Variants in CATSPERE observed in about 807,000 individuals in gnomAD.
CATSPERE encodes the protein cation channel sperm-associated auxiliary subunit epsilon.
In CATSPERE, 93 loss-of-function variants were observed where a neutral mutation model predicts 114.1. The ratio of observed to expected loss-of-function variants is 0.81; its 90% confidence interval spans 0.69 to 0.97. CATSPERE has a LOEUF of 0.97. Among genes scored for constraint, CATSPERE ranks in the 50% least tolerant of loss-of-function variants. The pLI, the probability that CATSPERE is intolerant of heterozygous loss-of-function variation, is 0.00. For synonymous variants in CATSPERE, 341 were observed against 384.1 expected, an observed-to-expected ratio of 0.89 and a Z score of 1.31; for missense variants, 1,058 against 1,131.6, an observed-to-expected ratio of 0.93 and a Z score of 0.93.
At chr1:244,610,754 C>T (rs1278835088) in intron 19 of CATSPERE, among the ~76,000 whole-genome samples, 4 of 136,414 alleles carry the variant, frequency 2.9e-5, no homozygotes, top group African/African-American at 5.6e-5. Context: ...ATTTTCTTTC[C>T]TTTTTTTTTT....
chr1:244,610,171 T>A (rs1670516468), intron 18 of CATSPERE, 69 bp from the exon 19 acceptor site: 1 of 1,015,310 alleles, frequency 9.8e-7, no homozygotes. Context: ...CAACAAAACA[T>A]TAAATACTTA....
chr1:244,569,623 A>G (rs1240443593), intron 10 of CATSPERE, among the ~76,000 whole-genome samples: 1 of 152,174 alleles, frequency 6.6e-6, no homozygotes, highest in Non-Finnish European at 1.5e-5. Context: ...AGGTCATTTC[A>G]ATTATAAAGA....
At chr1:244,599,750 G>A (rs373477913) in intron 17 of CATSPERE, among the ~76,000 whole-genome samples, 12 of 152,156 alleles carry the variant, frequency 7.9e-5, no homozygotes, top group Admixed American at 2.0e-4. Context: ...CAGATGCAGC[G>A]AGTGGCTTCC....
At chr1:244,451,894 C>G, upstream of CATSPERE, 1 of 1,380,002 alleles carries the variant, frequency 7.2e-7, no homozygotes, top group Non-Finnish European at 9.5e-7. The surrounding 1 kb of genome is among the most constrained non-coding windows in gnomAD (Gnocchi z 6.6). Context: ...TCTGCGGCCG[C>G]CAGCCACATG....
chr1:244,505,966 G>A (rs113869720), intron 7 of CATSPERE, among the ~76,000 whole-genome samples: 7,100 of 152,018 alleles, frequency 0.047, 210 homozygotes, highest in Non-Finnish European at 0.064. Context: ...AGATCACGCC[G>A]CTGCACTCCA....
rs1666758422 is a variant in CATSPERE, at chr1:244,461,467, T to A, written c.38T>A (p.Leu13Gln). The change falls in exon 1 of 22, where the codon CTG becomes CAG. Residue 13 changes from leucine (L) to glutamine (Q), a missense_variant. Around this residue, in one of 2 missense-constraint regions of CATSPERE, gnomAD observed 271 missense variants for 225.9 expected, o/e 1.20. Transcript: ENST00000366534. ...AREVAVLLLW[L>Q]SCYGSALWRY... The stretch of plus-strand genomic sequence containing the variant: ...GAAGTGGCCGTGCTGCTGCTGTGGC[T>A]GAGCTGCTATGGCTCCGCCCTTTGG... 3.7e-6 allele frequency: 5 copies of A among 1,359,972 alleles called. No individual in the cohort carries two copies. The highest frequency in any genetic ancestry group is 4.8e-6 in the Non-Finnish European group (5 of 1,049,814). The allele number at this position is 1,359,972 out of a possible 1,614,324, so 84.2% of individuals were successfully genotyped here.
At chr1:244,555,393 A>G (rs527838295) in intron 9 of CATSPERE, among the ~76,000 whole-genome samples, 1 of 152,204 alleles carries the variant, frequency 6.6e-6, no homozygotes, top group African/African-American at 2.4e-5. Context: ...AAAAAAAAAA[A>G]AAAAAATCAA....
chr1:244,594,620 A>C (rs976181461), intron 17 of CATSPERE, among the ~76,000 whole-genome samples: 4 of 152,170 alleles, frequency 2.6e-5, no homozygotes, highest in Non-Finnish European at 2.9e-5. Context: ...CTGGAAGTAA[A>C]ATTCCTATGT....
chr1:244,473,264 G>A (rs1286773910), intron 2 of CATSPERE, among the ~76,000 whole-genome samples: 2 of 152,104 alleles, frequency 1.3e-5, no homozygotes. Context: ...ATCTTCACCA[G>A]CATTTGGCGT....
intron 2 of CATSPERE, 89 bp from the exon 3 acceptor site, chr1:244,477,452 A>G: frequency 1.4e-6 from 1 of 710,762 alleles, no homozygotes; most frequent in Non-Finnish European, 2.5e-6. Context: ...TTAAATAATT[A>G]GGACCCAGAA....
intron 19 of CATSPERE, among the ~76,000 whole-genome samples, chr1:244,614,634 C>T (rs541696423): frequency 2.0e-5 from 3 of 152,200 alleles, no homozygotes; most frequent in South Asian, 4.1e-4. Flanking sequence ...ATCATTAACA[C>T]GAGGAGGGAA....
chr1:244,464,136 T>C (rs1667231664), intron 2 of CATSPERE, among the ~76,000 whole-genome samples, 180 bp downstream of exon 2: 1 of 152,208 alleles, frequency 6.6e-6, no homozygotes, highest in South Asian at 2.1e-4. Context: ...TAAATTTGCA[T>C]GTAGCAAAAA....
intron 10 of CATSPERE, among the ~76,000 whole-genome samples, chr1:244,565,483 G>A (rs963605307): frequency 6.6e-6 from 1 of 152,132 alleles, no homozygotes; most frequent in South Asian, 2.1e-4. Context: ...TTGGGAGGGT[G>A]TATGTGTCCA....
At chr1:244,561,537 T>C (rs1221017493) in intron 10 of CATSPERE, among the ~76,000 whole-genome samples, 1 of 152,132 alleles carries the variant, frequency 6.6e-6, no homozygotes, top group Non-Finnish European at 1.5e-5. Flanking sequence ...TTCTGGAGGC[T>C]AGAAGTGGAA....
chr1:244,581,737 G>C, intron 11 of CATSPERE, 59 bp from the exon 12 acceptor site: 1 of 729,510 alleles, frequency 1.4e-6, no homozygotes, highest in Non-Finnish European at 2.4e-6. Context: ...TGCTACTAAA[G>C]TGGGATCACC....
At chr1:244,496,848 A>G (rs889212864) in intron 6 of CATSPERE, among the ~76,000 whole-genome samples, 1 of 152,354 alleles carries the variant, frequency 6.6e-6, no homozygotes, top group Middle Eastern at 3.4e-3. Flanking sequence ...CTTCATATTT[A>G]AAGTGTGAGA....
chr1:244,531,166 G>C (rs993286492), intron 8 of CATSPERE, among the ~76,000 whole-genome samples: 7 of 151,262 alleles, frequency 4.6e-5, no homozygotes, highest in Non-Finnish European at 7.4e-5. Flanking sequence ...AATCCAGGAG[G>C]CGGAGGTTGC....
At chr1:244,584,154 AC>A (rs992489434) in intron 13 of CATSPERE, among the ~76,000 whole-genome samples, 93 of 152,344 alleles carry the variant, frequency 6.1e-4, no homozygotes, top group African/African-American at 2.1e-3. Context: ...TAATAAAAAA[AC>A]AAAGAAAAAA....
At chr1:244,541,318 C>A (rs1211353875) in intron 8 of CATSPERE, among the ~76,000 whole-genome samples, 12 of 148,542 alleles carry the variant, frequency 8.1e-5, no homozygotes, top group Non-Finnish European at 1.8e-4. Context: ...AAGAAAAAAA[C>A]AAACAACCCC....
Sources: allele counts gnomAD v4.1 joint callset (sites outside exome capture counted in the v4.1 genomes callset), GRCh38; gene constraint gnomAD v4.1.1; regional missense constraint gnomAD v4.1.1; non-coding constraint Gnocchi (gnomAD v3.1); transcripts MANE v1.5; gene names NCBI Gene and HGNC (gene_info 2026-07-23, HGNC 2026-07-21).